RNF8: variants seen among roughly 807,000 people sequenced by gnomAD.
RNF8 encodes the protein ring finger protein 8.
Under a neutral mutation model 59.3 loss-of-function variants are expected in RNF8, and 8 were observed. The ratio of observed to expected loss-of-function variants is 0.13; its 90% CI spans 0.08 to 0.24. The LOEUF (loss-of-function observed/expected upper bound fraction) is 0.24. RNF8 is among the 10% of genes least tolerant of loss of function. RNF8 has a pLI of 1.00. For missense variants in RNF8, 406 were observed against 572.6 expected, an observed-to-expected ratio of 0.71 and a Z score of 2.97; for synonymous variants, 162 against 200.0, an observed-to-expected ratio of 0.81 and a Z score of 1.60.
In RNF8 at chr6:37,370,529, T is replaced by A. The variant is rs114906402; in HGVS notation, c.976-983T>A. On this transcript the variant is annotated intron_variant, in intron 3 of 7. Transcript: ENST00000373479. ...TACCAAAATGTTAAAGGCGAAAGGA[T>A]TGGTTTAGAGAATTTCTCTGGGTAT... 8.5e-3 allele frequency among the ~76,000 whole-genome samples: 1,293 copies of A among 152,234 alleles called. 16 individuals are homozygous for A. The highest frequency in any genetic ancestry group is 0.026 in the African/African-American group (1,076 of 41,524).
rs1769662181 is a variant in RNF8, at chr6:37,368,559, A to C, written c.316A>C (p.Ile106Leu). ...CTATTCCATTCATCAGGGAGACTAC[A>C]TCCAACTTGGAGTGCCTCTGGAAAA... ...RVYSIHQGDY[I>L]QLGVPLENKE... Residue 106 changes from isoleucine to leucine, a missense_variant, in exon 3 of 8, where the codon ATC becomes CTC. This residue lies in a region of RNF8 where 285 missense variants were observed against 342.0 expected (regional missense o/e 0.83). Transcript: ENST00000373479. The C allele has an allele frequency of 3.1e-6, 5 of 1,614,182 alleles. No individual in the cohort carries two copies. The highest frequency in any genetic ancestry group is 4.2e-6 in the Non-Finnish European group (5 of 1,180,018).
At position 37,368,780 on chromosome 6, in the gene RNF8, G is replaced by A. The variant is rs1370572267; in HGVS notation, c.537G>A (p.Val179=). The A allele has an allele frequency of 6.8e-6, 11 of 1,614,074 alleles. No individual in the cohort carries two copies. Among genetic ancestry groups the A allele is most frequent in the South Asian group, 1.1e-5 (1 of 91,088 alleles). The change falls in exon 3 of 8, where the codon GTG becomes GTA. Residue 179 remains valine (V), a synonymous_variant. Coordinates refer to ENST00000373479, the MANE Select transcript of RNF8 (RefSeq NM_003958.4). ...ATTTGAAATCCAAAATAAATAAAGT[G>A]TCTTGTGAATCTGGTCAGCCAGTGA... is the stretch of plus-strand genomic sequence containing the variant. ...PSNLKSKINK[V]SCESGQPVKS...
intron 2 of RNF8, among the ~76,000 whole-genome samples, chr6:37,362,359 C>T (rs1047698652): frequency 4.6e-5 from 7 of 152,170 alleles, no homozygotes; most frequent in East Asian, 3.8e-4. Context: ...GACTGTGCTC[C>T]GGGCTCACTC....
chr6:37,373,544 C>A (rs188737422), intron 4 of RNF8, among the ~76,000 whole-genome samples: 1 of 152,098 alleles, frequency 6.6e-6, no homozygotes, highest in Admixed American at 6.5e-5. Context: ...GTAGCTGGAA[C>A]CATAGGCGCG....
chr6:37,354,224 G>T lies in RNF8; in HGVS notation c.60G>T (p.Leu20=), dbSNP rs537245745. ...GDRAGGRSWC[L]RRVGMSAGWL... ...GCGCCGGTGGCCGGAGCTGGTGCCT[G>T]CGGCGGGTGGGGATGAGCGCCGGGT... Residue 20 remains leucine, a synonymous_variant, in exon 1 of 8, where the codon CTG becomes CTT. Transcript: ENST00000373479. 24 of 1,578,952 alleles carry T rather than the reference G, an allele frequency of 1.5e-5. No homozygotes were observed. The East Asian group carries it at 4.7e-4, about 31-fold the overall frequency.
chr6:37,381,412 C>G, intron 7 of RNF8, 58 bp downstream of exon 7: 2 of 1,461,772 alleles, frequency 1.4e-6, no homozygotes, highest in South Asian at 2.4e-5. Context: ...TTCCAAACTT[C>G]AACAAATATT....
At chr6:37,361,528 C>T (rs755446572) in intron 2 of RNF8, 7 of 347,510 alleles carry the variant, frequency 2.0e-5, no homozygotes, top group Non-Finnish European at 3.4e-5. Context: ...ATACAAGCAC[C>T]GAGGAATGTG....
At chr6:37,372,329 A>C (rs1199821456) in intron 4 of RNF8, among the ~76,000 whole-genome samples, 2 of 152,220 alleles carry the variant, frequency 1.3e-5, no homozygotes, top group African/African-American at 2.4e-5. Flanking sequence ...CAACCTTAAC[A>C]GTGCTAACAG....
intron 2 of RNF8, among the ~76,000 whole-genome samples, chr6:37,364,918 C>A (rs574255908): frequency 1.3e-4 from 20 of 152,192 alleles, no homozygotes; most frequent in African/African-American, 4.8e-4. Context: ...TACAGGCATG[C>A]GGCACCACGC....
intron 2 of RNF8, among the ~76,000 whole-genome samples, chr6:37,366,809 T>G (rs1022450523): frequency 2.6e-5 from 4 of 152,218 alleles, no homozygotes; most frequent in African/African-American, 9.6e-5. Flanking sequence ...TCCCCTGAAC[T>G]TAAGTCCTTG....
chr6:37,390,804 C>T lies in RNF8; in HGVS notation c.*46C>T, dbSNP rs776562705. 1.2e-5 allele frequency: 20 copies of T among 1,613,966 alleles called. No homozygotes were observed. The highest frequency in any genetic ancestry group is 1.6e-5 in the Non-Finnish European group (19 of 1,179,976). On this transcript the variant is annotated 3_prime_UTR_variant, in exon 8 of 8. Transcript: ENST00000373479. ...TTGAAAGACTGCCAGGTAGTGCGAG[C>T]CTGAGATGGTCTGGAGGATTCTCTC...
chr6:37,363,959 C>G (rs1211121795), intron 2 of RNF8, among the ~76,000 whole-genome samples: 1 of 152,098 alleles, frequency 6.6e-6, no homozygotes, highest in Non-Finnish European at 1.5e-5. Flanking sequence ...GCGGGCGGAT[C>G]ACGAGGTCAG....
intron 4 of RNF8, 102 bp from the exon 5 acceptor site, chr6:37,374,518 C>A: frequency 1.2e-6 from 1 of 823,748 alleles, no homozygotes. Context: ...GATCCCTGAA[C>A]CACAAAGTCA....
chr6:37,372,334 T>C (rs1013500802), intron 4 of RNF8, among the ~76,000 whole-genome samples: 1 of 152,216 alleles, frequency 6.6e-6, no homozygotes. Context: ...TTAACAGTGC[T>C]AACAGTCATA....
intron 6 of RNF8, 28 bp downstream of exon 6, chr6:37,377,061 CTTTT>C (rs35985063): frequency 9.9e-3 from 2,523 of 255,236 alleles, no homozygotes; most frequent in South Asian, 0.014. Flanking sequence ...CTCACCCCTT[CTTTT>C]TTTTTTTTTT....
At chr6:37,375,798 C>T (rs754707642) in intron 5 of RNF8, among the ~76,000 whole-genome samples, 5 of 152,198 alleles carry the variant, frequency 3.3e-5, no homozygotes, top group Non-Finnish European at 7.3e-5. Context: ...CTCAAATATA[C>T]CTCAAATGGC....
intron 7 of RNF8, 53 bp downstream of exon 7, chr6:37,381,407 A>G: frequency 6.8e-7 from 1 of 1,478,800 alleles, no homozygotes; most frequent in South Asian, 1.2e-5. Context: ...TTTACTTCCA[A>G]ACTTCAACAA....
chr6:37,391,016 G>C lies in RNF8; in HGVS notation c.*258G>C. On this transcript the variant is annotated 3_prime_UTR_variant, in exon 8 of 8. Coordinates refer to ENST00000373479, the MANE Select transcript of RNF8 (RefSeq NM_003958.4). The stretch of plus-strand genomic sequence containing the variant: ...CTTCGTAGACTCTGCCTCACTACAT[G>C]TCGAAAGAGTTATTTGAGTTCTCTT... 1.7e-6 allele frequency: 1 copy of C among 584,626 alleles called. No individual in the cohort carries two copies. The highest frequency in any genetic ancestry group is 3.1e-6 in the Non-Finnish European group (1 of 327,594). 36.2% of individuals were successfully genotyped at this position (584,626 alleles called of 1,614,324 possible).
At chr6:37,373,256 TGCCC>T (rs1769882672) in intron 4 of RNF8, among the ~76,000 whole-genome samples, 2 of 149,938 alleles carry the variant, frequency 1.3e-5, no homozygotes, top group African/African-American at 5.1e-5. Flanking sequence ...AGACCTTCAC[TGCCC>T]TAAGCAGTCT....
Sources: gnomAD v4.1 joint callset for allele counts (sites outside exome capture counted in the v4.1 genomes callset) on GRCh38, gnomAD v4.1.1 for gene constraint, gnomAD v4.1.1 regional missense constraint, MANE v1.5 for transcripts, NCBI Gene and HGNC (gene_info 2026-07-23, HGNC 2026-07-21) for gene names.